Variants in VAV1 observed in about 807,000 individuals in gnomAD.
VAV1 encodes vav guanine nucleotide exchange factor 1.
Under a neutral mutation model 128.1 loss-of-function variants are expected in VAV1, and 33 were observed. The observed-to-expected ratio is 0.26, with a 90% CI of 0.20 to 0.34. The LOEUF (loss-of-function observed/expected upper bound fraction) is 0.34, where lower values mean the gene tolerates loss of function less well. Ranked by LOEUF, VAV1 falls within the 10% of genes least tolerant of loss-of-function variation. VAV1 has a pLI of 1.00. For synonymous variants in VAV1, 394 were observed against 409.8 expected (o/e 0.96, Z 0.47); for missense variants, 715 against 1,093.7 (o/e 0.65, Z 4.88).
At chr19:6,827,941 T>C in intron 9 of VAV1, 135 bp from the exon 10 acceptor site, 1 of 688,768 alleles carries the variant, frequency 1.5e-6, no homozygotes, top group Non-Finnish European at 2.5e-6. Context: ...TATGATGCTT[T>C]GGCCTCTAGA....
At chr19:6,801,573 G>C (rs1971269743) in intron 1 of VAV1, among the ~76,000 whole-genome samples, 1 of 152,192 alleles carries the variant, frequency 6.6e-6, no homozygotes, top group African/African-American at 2.4e-5. Flanking sequence ...TCGGGAGCTT[G>C]AGGTTGCCTG....
intron 21 of VAV1, among the ~76,000 whole-genome samples, chr19:6,841,775 A>G (rs1299817229): frequency 2.0e-5 from 3 of 152,004 alleles, no homozygotes; most frequent in East Asian, 1.9e-4. Flanking sequence ...TGTCCAGCAC[A>G]TACTGTTTTT....
chr19:6,825,059 T>C lies in VAV1; in HGVS notation c.661T>C (p.Leu221=), dbSNP rs1404473525. The C allele has an allele frequency of 1.1e-5, 18 of 1,613,776 alleles. No individual in the cohort carries two copies. The highest frequency in any genetic ancestry group is 1.7e-6 in the Non-Finnish European group (2 of 1,180,032). Reference sequence around the variant, plus strand: ...TTCTCTCCCTTCCCCGCAGCATTTCTTGAAGCCCCTGCAACGGTTCCTGAA... The same window carrying C: ...TTCTCTCCCTTCCCCGCAGCATTTCCTGAAGCCCCTGCAACGGTTCCTGAA... ...DTLGSIQQHF[L]KPLQRFLKPQ... Residue 221 remains leucine (L), a synonymous_variant, in exon 7 of 27, where the codon TTG becomes CTG. Coordinates refer to ENST00000602142, the MANE Select transcript of VAV1 (RefSeq NM_005428.4).
intron 1 of VAV1, among the ~76,000 whole-genome samples, chr19:6,780,550 C>G (rs1970746424): frequency 1.3e-5 from 2 of 148,420 alleles, no homozygotes; most frequent in Admixed American, 1.3e-4. Context: ...TAAAAGATTG[C>G]CTTCTCCTTT....
intron 24 of VAV1, among the ~76,000 whole-genome samples, chr19:6,852,247 T>A (rs1378168697): frequency 1.3e-5 from 2 of 152,200 alleles, no homozygotes; most frequent in Non-Finnish European, 2.9e-5. Flanking sequence ...ACTCTTGGCT[T>A]CAAGTGAACT....
At chr19:6,795,632 C>T (rs1256742375) in intron 1 of VAV1, among the ~76,000 whole-genome samples, 2 of 152,052 alleles carry the variant, frequency 1.3e-5, no homozygotes, top group African/African-American at 4.8e-5. Flanking sequence ...CACGTCTTAG[C>T]TCTACTGGTC....
At chr19:6,844,078 T>C (rs1358124680) in intron 22 of VAV1, among the ~76,000 whole-genome samples, 12 of 104,092 alleles carry the variant, frequency 1.2e-4, no homozygotes, top group South Asian at 3.4e-4. Flanking sequence ...TTTTTTTTTT[T>C]TTTTTTTTTT....
In VAV1 at chr19:6,832,164, TGAA is replaced by T. The variant is rs777455892; in HGVS notation, c.1480_1482del (p.Lys494del). Reference sequence around the variant, plus strand: ...GAGCTGTTCTTCAAGACAAGAGAATTGAAGAAGAAGTGGATGGAGCAGTTTGAG... The same window carrying T: ...GAGCTGTTCTTCAAGACAAGAGAATTGAAGAAGTGGATGGAGCAGTTTGAG... On this transcript the variant is annotated inframe_deletion, in exon 15 of 27. Coordinates refer to ENST00000602142, the MANE Select transcript of VAV1 (RefSeq NM_005428.4). 3.1e-6 allele frequency: 5 copies of T among 1,614,010 alleles called. No homozygotes were observed. The highest frequency in any genetic ancestry group is 1.7e-5 in the Admixed American group (1 of 59,988).
intron 23 of VAV1, among the ~76,000 whole-genome samples, chr19:6,849,275 TG>T: frequency 6.8e-6 from 1 of 147,836 alleles, no homozygotes; most frequent in South Asian, 2.2e-4. Context: ...CCGAGTCTAC[TG>T]TTTCCAGCCT....
At position 6,772,743 on chromosome 19, in the gene VAV1, G is replaced by T; in HGVS notation, c.-65G>T. On this transcript the variant is annotated 5_prime_UTR_variant, in exon 1 of 27. Transcript: ENST00000602142. This position sits in a 1 kb window ranked among gnomAD's most constrained non-coding sequence, Gnocchi z 4.8. ...GTCGCTCCACAGGCGAGCAGGGCAG[G>T]CGTGCGGGCGGGTGGGTGGTGGAGG... 6.5e-7 allele frequency: 1 copy of T among 1,539,228 alleles called. No individual in the cohort carries two copies. Among genetic ancestry groups the T allele is most frequent in the South Asian group, 1.2e-5 (1 of 83,866 alleles).
At chr19:6,809,088 T>G (rs1470531331) in intron 1 of VAV1, among the ~76,000 whole-genome samples, 2 of 151,748 alleles carry the variant, frequency 1.3e-5, no homozygotes, top group African/African-American at 2.4e-5. Flanking sequence ...TTTTTTTTTT[T>G]TTTTTTTTTT....
At chr19:6,802,570 T>C (rs2617823) in intron 1 of VAV1, among the ~76,000 whole-genome samples, 133,098 of 152,116 alleles carry the variant, frequency 0.87, 58,410 homozygotes, top group East Asian at 1. Flanking sequence ...CGGGTTCAGC[T>C]GATCTCCCTG....
At chr19:6,852,735 AAG>A in intron 24 of VAV1, among the ~76,000 whole-genome samples, 1 of 151,678 alleles carries the variant, frequency 6.6e-6, no homozygotes, top group African/African-American at 2.4e-5. Flanking sequence ...AAAAAAAAAA[AAG>A]AAAGAAAGAA....
chr19:6,779,833 C>T lies in VAV1; in HGVS notation c.204+6822C>T, dbSNP rs993198955. ...TAGCTTCTAAAAAATAATAAAAGGC[C>T]GGGCACGGTGACTCACACCTGTAAT... On this transcript the variant is annotated intron_variant, in intron 1 of 26. Coordinates refer to ENST00000602142, the MANE Select transcript of VAV1 (RefSeq NM_005428.4). Among the ~76,000 whole-genome samples the T allele has an allele frequency of 6.1e-5, 9 of 148,694 alleles. 1 individual carries two copies. The highest frequency in any genetic ancestry group is 9.8e-5 in the African/African-American group (4 of 40,930).
rs569925302 is a variant in VAV1 at position 6,816,972 on chromosome 19, A to G, written c.205-3730A>G. Among the ~76,000 whole-genome samples the G allele has an allele frequency of 6.6e-5, 10 of 152,204 alleles. No individual in the cohort carries two copies. In the South Asian group the frequency reaches 2.1e-3, roughly 32 times the overall value. On this transcript the variant is annotated intron_variant, in intron 1 of 26. Coordinates refer to ENST00000602142, the MANE Select transcript of VAV1 (RefSeq NM_005428.4). ...GAGCAAGACTCCATCTCAAAAGGGTATAAACACTGACAGTGTGGTTATGAG... is the reference window on the plus strand; with the variant it reads ...GAGCAAGACTCCATCTCAAAAGGGTGTAAACACTGACAGTGTGGTTATGAG...
chr19:6,852,895 C>G, intron 24 of VAV1, 70 bp from the exon 25 acceptor site: 1 of 1,290,776 alleles, frequency 7.7e-7, no homozygotes, highest in Non-Finnish European at 1.1e-6. Flanking sequence ...TTGCATATGG[C>G]TGTTCCTAGC....
At chr19:6,796,005 A>G (rs1310454906) in intron 1 of VAV1, among the ~76,000 whole-genome samples, 1 of 152,090 alleles carries the variant, frequency 6.6e-6, no homozygotes, top group Non-Finnish European at 1.5e-5. Context: ...GATCAAGCCT[A>G]GATATCCTTT....
chr19:6,813,379 A>G (rs971365356), intron 1 of VAV1, among the ~76,000 whole-genome samples: 1 of 152,220 alleles, frequency 6.6e-6, no homozygotes, highest in African/African-American at 2.4e-5. Flanking sequence ...TTTAGTCTTG[A>G]GAACTCACAT....
At chr19:6,810,002 A>C (rs3097355) in intron 1 of VAV1, among the ~76,000 whole-genome samples, 93,534 of 151,670 alleles carry the variant, frequency 0.62, 29,070 homozygotes, top group Non-Finnish European at 0.65. Context: ...AAGACCCTGT[A>C]TCTACAAAAA....
Sources: allele counts gnomAD v4.1 joint callset (sites outside exome capture counted in the v4.1 genomes callset), GRCh38; gene constraint gnomAD v4.1.1; non-coding constraint Gnocchi (gnomAD v3.1); transcripts MANE v1.5; gene names NCBI Gene and HGNC (gene_info 2026-07-23, HGNC 2026-07-21).